KDM4C: variants seen among roughly 807,000 people sequenced by gnomAD.
KDM4C encodes the protein lysine demethylase 4C.
KDM4C carries 81 observed loss-of-function variants against 129.3 expected under a neutral mutation model. The ratio of observed to expected loss-of-function variants is 0.63; its 90% CI spans 0.52 to 0.75. The LOEUF (loss-of-function observed/expected upper bound fraction) is 0.75, where lower values mean the gene tolerates loss of function less well. Ranked by LOEUF, KDM4C falls within the 30% of genes least tolerant of loss-of-function variation. KDM4C has a pLI of 0.00. For synonymous variants in KDM4C, 573 were observed against 456.1 expected (o/e 1.26, Z -3.26); for missense variants, 1,457 against 1,304.0 (o/e 1.12, Z -1.81).
At chr9:6,816,297 C>G (rs1406866018) in intron 4 of KDM4C, among the ~76,000 whole-genome samples, 2 of 152,102 alleles carry the variant, frequency 1.3e-5, no homozygotes, top group Admixed American at 1.3e-4. Context: ...AAACCTAGAG[C>G]TTTATGAATT....
chr9:7,075,033 T>A (rs1833734165), intron 17 of KDM4C, among the ~76,000 whole-genome samples: 1 of 151,912 alleles, frequency 6.6e-6, no homozygotes, highest in Non-Finnish European at 1.5e-5. Flanking sequence ...ATAAACAGAG[T>A]CTCCTCTTTC....
chr9:7,001,196 T>C (rs181152913), intron 12 of KDM4C, among the ~76,000 whole-genome samples: 47 of 152,362 alleles, frequency 3.1e-4, no homozygotes, highest in African/African-American at 1.1e-3. Context: ...AGTGAACCTA[T>C]AAATTCTGGA....
chr9:6,869,178 C>T (rs1483242137), intron 5 of KDM4C, among the ~76,000 whole-genome samples: 2 of 152,204 alleles, frequency 1.3e-5, no homozygotes, highest in African/African-American at 4.8e-5. Context: ...CTCACTGTGG[C>T]TTCCACAGTT....
intron 17 of KDM4C, among the ~76,000 whole-genome samples, chr9:7,097,182 T>C (rs1446119719): frequency 6.6e-6 from 1 of 152,178 alleles, no homozygotes; most frequent in African/African-American, 2.4e-5. Context: ...CCCTGCTGGG[T>C]AGCTTCTCTG....
At chr9:6,810,019 C>T (rs145136634) in intron 3 of KDM4C, among the ~76,000 whole-genome samples, 6 of 150,930 alleles carry the variant, frequency 4.0e-5, no homozygotes, top group African/African-American at 1.2e-4. Context: ...TCAAATATAG[C>T]CATATATAAC....
intron 17 of KDM4C, among the ~76,000 whole-genome samples, chr9:7,063,206 A>T (rs868643309): frequency 6.6e-6 from 1 of 152,228 alleles, no homozygotes; most frequent in African/African-American, 2.4e-5. Context: ...AGACAAAAAA[A>T]TTCTAATTGC....
intron 17 of KDM4C, among the ~76,000 whole-genome samples, chr9:7,090,862 TC>T (rs1324432309): frequency 6.6e-6 from 1 of 152,246 alleles, no homozygotes; most frequent in Non-Finnish European, 1.5e-5. Context: ...AGAATATCAA[TC>T]CATTGTTATG....
intron 15 of KDM4C, among the ~76,000 whole-genome samples, chr9:7,025,709 T>A (rs1383696894): frequency 1.3e-5 from 2 of 152,246 alleles, no homozygotes; most frequent in Non-Finnish European, 2.9e-5. Context: ...TATCTCATTA[T>A]AATTTCTATG....
intron 15 of KDM4C, among the ~76,000 whole-genome samples, chr9:7,026,856 G>A (rs1362315596): frequency 5.3e-5 from 8 of 151,720 alleles, no homozygotes; most frequent in African/African-American, 1.9e-4. Context: ...TCTTCTGCTT[G>A]ATCAGTTCTG....
intron 5 of KDM4C, among the ~76,000 whole-genome samples, chr9:6,865,806 A>G (rs977991803): frequency 6.6e-6 from 1 of 151,564 alleles, no homozygotes; most frequent in African/African-American, 2.4e-5. Flanking sequence ...GCTGGAGTGC[A>G]GTGGCGCAAT....
At chr9:7,121,478 C>T (rs1291134039) in intron 18 of KDM4C, among the ~76,000 whole-genome samples, 1 of 152,174 alleles carries the variant, frequency 6.6e-6, no homozygotes, top group Non-Finnish European at 1.5e-5. Flanking sequence ...AGCTAAGCCA[C>T]AGTCTAGGCC....
intron 8 of KDM4C, among the ~76,000 whole-genome samples, chr9:6,961,042 ACTTT>A (rs1829958663): frequency 6.6e-6 from 1 of 152,064 alleles, no homozygotes; most frequent in African/African-American, 2.4e-5. Context: ...TCTCAAATTC[ACTTT>A]CTTTTTCTTA....
intron 15 of KDM4C, among the ~76,000 whole-genome samples, chr9:7,022,773 A>G (rs1229482451): frequency 1.3e-5 from 2 of 152,040 alleles, no homozygotes; most frequent in African/African-American, 4.8e-5. Context: ...TTAAAATAAT[A>G]CTAGCTGTGA....
intron 5 of KDM4C, among the ~76,000 whole-genome samples, chr9:6,869,977 A>G (rs967294642): frequency 1.3e-5 from 2 of 152,268 alleles, no homozygotes; most frequent in Admixed American, 1.3e-4. Flanking sequence ...CACCATAAGT[A>G]ATGTGAAAAT....
At chr9:6,926,743 T>G (rs1822638771) in intron 8 of KDM4C, among the ~76,000 whole-genome samples, 1 of 152,206 alleles carries the variant, frequency 6.6e-6, no homozygotes, top group Non-Finnish European at 1.5e-5. Context: ...GGGGTGTGTT[T>G]AGTAGTTTAC....
At chr9:7,097,557 C>T (rs184350425) in intron 17 of KDM4C, among the ~76,000 whole-genome samples, 2 of 152,268 alleles carry the variant, frequency 1.3e-5, no homozygotes, top group Admixed American at 1.3e-4. Context: ...TGGTGCCCCG[C>T]AGGTAGCTGT....
At chr9:6,933,907 C>T (rs935408682) in intron 8 of KDM4C, among the ~76,000 whole-genome samples, 4 of 149,806 alleles carry the variant, frequency 2.7e-5, no homozygotes, top group Non-Finnish European at 4.5e-5. Context: ...TGAAGTGCAG[C>T]GGTGTGATCT....
chr9:6,966,097 GA>G (rs1437608471), intron 8 of KDM4C, among the ~76,000 whole-genome samples: 1 of 152,134 alleles, frequency 6.6e-6, no homozygotes, highest in Non-Finnish European at 1.5e-5. Context: ...AAGTAAGTCT[GA>G]AAAACCTAAA....
intron 12 of KDM4C, among the ~76,000 whole-genome samples, chr9:6,998,399 A>G (rs1412343596): frequency 6.6e-6 from 1 of 152,234 alleles, no homozygotes; most frequent in African/African-American, 2.4e-5. Context: ...AAATGTATAC[A>G]TTTATTCACT....
Sources: allele counts gnomAD v4.1 joint callset (sites outside exome capture counted in the v4.1 genomes callset), GRCh38; gene constraint gnomAD v4.1.1; transcripts MANE v1.5; gene names NCBI Gene and HGNC (gene_info 2026-07-23, HGNC 2026-07-21).